FABP6: variants seen among roughly 807,000 people sequenced by gnomAD.
FABP6 encodes fatty acid binding protein 6, also known as gastrotropin.
A neutral mutation model predicts 14.9 loss-of-function variants in FABP6; 13 were observed. The ratio of observed to expected loss-of-function variants is 0.87; its 90% CI spans 0.57 to 1.39. The LOEUF is 1.39. Among genes scored for constraint, FABP6 ranks in the 40% most tolerant of loss-of-function variants. FABP6 has a pLI of 0.00. For missense variants in FABP6, 161 were observed against 167.2 expected, an observed-to-expected ratio of 0.96 and a Z score of 0.20; for synonymous variants, 75 against 63.6, an observed-to-expected ratio of 1.18 and a Z score of -0.85.
intron 3 of FABP6, among the ~76,000 whole-genome samples, chr5:160,237,585 C>G (rs2113153255): frequency 6.6e-6 from 1 of 152,216 alleles, no homozygotes; most frequent in Admixed American, 6.6e-5. Flanking sequence ...CATCACCTCT[C>G]CCCTACACCA....
chr5:160,229,416 C>T (rs78838393), upstream of FABP6: 8,565 of 1,510,440 alleles, frequency 5.7e-3, 421 homozygotes, highest in African/African-American at 0.11. Flanking sequence ...GCTTCCTCTT[C>T]AGGACAGGAG....
intron 1 of FABP6, among the ~76,000 whole-genome samples, chr5:160,193,310 T>C (rs1378811745): frequency 6.6e-6 from 1 of 151,644 alleles, no homozygotes; most frequent in Non-Finnish European, 1.5e-5. Flanking sequence ...GCTTCAGGAG[T>C]GAAGCTGCAG....
At chr5:160,195,283 CAAAAAAAAA>C (rs57229719) in intron 1 of FABP6, among the ~76,000 whole-genome samples, 10 of 63,608 alleles carry the variant, frequency 1.6e-4, no homozygotes, top group African/African-American at 5.1e-4. Flanking sequence ...GACTCTGTCT[CAAAAAAAAA>C]AAAAAAAAAA....
chr5:160,191,505 TGTGCCACCTA>T (rs1198194219), intron 1 of FABP6, among the ~76,000 whole-genome samples: 1 of 152,054 alleles, frequency 6.6e-6, no homozygotes, highest in Non-Finnish European at 1.5e-5. Context: ...ACTAGGGCTC[TGTGCCACCTA>T]GACCCTGCCC....
chr5:160,217,854 G>A (rs1440227034), intron 3 of FABP6, among the ~76,000 whole-genome samples: 4 of 151,776 alleles, frequency 2.6e-5, no homozygotes, highest in Non-Finnish European at 4.4e-5. Flanking sequence ...TGTTGCCCAG[G>A]CTCATCTCAA....
chr5:160,195,462 T>C (rs997231718), intron 1 of FABP6, among the ~76,000 whole-genome samples: 2 of 152,088 alleles, frequency 1.3e-5, no homozygotes, highest in African/African-American at 4.8e-5. Flanking sequence ...TCTGTCTCTC[T>C]CTCTCTTTTT....
At chr5:160,236,101 C>T (rs1314763354) in intron 3 of FABP6, among the ~76,000 whole-genome samples, 4 of 151,766 alleles carry the variant, frequency 2.6e-5, no homozygotes, top group East Asian at 1.9e-4. Flanking sequence ...CTGCAACCTC[C>T]GCCCTCAGGT....
intron 3 of FABP6, among the ~76,000 whole-genome samples, chr5:160,236,435 T>C (rs899990412): frequency 9.2e-5 from 14 of 152,090 alleles, no homozygotes; most frequent in African/African-American, 3.4e-4. Context: ...CTTTATCATA[T>C]GGGTTTGGTG....
At chr5:160,228,410 A>C (rs910336518), upstream of FABP6, 12 of 455,928 alleles carry the variant, frequency 2.6e-5, no homozygotes, top group African/African-American at 2.0e-4. Flanking sequence ...ATAAATACAT[A>C]ATAATCACGA....
upstream of FABP6, among the ~76,000 whole-genome samples, chr5:160,227,482 T>G (rs1378899947): frequency 7.1e-6 from 1 of 141,630 alleles, no homozygotes; most frequent in Non-Finnish European, 1.5e-5. Flanking sequence ...GCCAAGATTG[T>G]ACCACTGCAC....
chr5:160,197,719 C>T (rs1285448219), intron 1 of FABP6: 1 of 152,224 alleles, frequency 6.6e-6, no homozygotes, highest in Non-Finnish European at 1.5e-5. Context: ...CCAAATGTCC[C>T]AGGAAGACAA....
intron 2 of FABP6, among the ~76,000 whole-genome samples, chr5:160,213,428 T>C (rs112880391): frequency 2.3e-4 from 35 of 152,280 alleles, no homozygotes; most frequent in African/African-American, 8.4e-4. Context: ...CTACCCTTGA[T>C]AGGGGTGCAA....
upstream of FABP6, among the ~76,000 whole-genome samples, chr5:160,227,215 T>C (rs115867447): frequency 0.016 from 2,456 of 152,166 alleles, 70 homozygotes; most frequent in African/African-American, 0.055. Flanking sequence ...GTCTCATTTA[T>C]ACCAGAAAAT....
chr5:160,188,699 C>G (rs1420866956), intron 1 of FABP6, among the ~76,000 whole-genome samples: 1 of 152,376 alleles, frequency 6.6e-6, no homozygotes, highest in East Asian at 1.9e-4. Flanking sequence ...GGCTGTTAGC[C>G]ACGTGCTGGG....
chr5:160,204,642 A>G (rs1316444217), intron 2 of FABP6: 1 of 152,110 alleles, frequency 6.6e-6, no homozygotes, highest in Non-Finnish European at 1.5e-5. Context: ...GGCGCCCGCC[A>G]CCAAGCCCGA....
intron 3 of FABP6, among the ~76,000 whole-genome samples, chr5:160,221,088 C>CA (rs397884568): frequency 0.31 from 22,798 of 72,388 alleles, 3,075 homozygotes; most frequent in East Asian, 0.59. Context: ...GACTTTCTCT[C>CA]AAAAAAAAAA....
At chr5:160,213,993 A>G (rs1167576760) in intron 3 of FABP6, among the ~76,000 whole-genome samples, 1 of 152,206 alleles carries the variant, frequency 6.6e-6, no homozygotes, top group Non-Finnish European at 1.5e-5. Flanking sequence ...CAAAAAGGTC[A>G]AATATCAGCA....
intron 3 of FABP6, among the ~76,000 whole-genome samples, chr5:160,218,074 G>C (rs897141367): frequency 2.6e-5 from 4 of 152,208 alleles, no homozygotes; most frequent in South Asian, 2.1e-4. Context: ...GTAGCAGGGG[G>C]ACTACGGACA....
In FABP6 at chr5:160,232,145, A is replaced by AGAT; in HGVS notation, c.115_116insGAT (p.Thr39delinsArgSer). On this transcript the variant is annotated protein_altering_variant, in exon 2 of 4. Transcript: ENST00000402432. The stretch of plus-strand genomic sequence containing the variant: ...AAAGGCCCGCAACTTCAAGATCGTC[A>AGAT]CGGAGGTGCAGCAGGATGGGCAGGA... 1.9e-6 allele frequency: 3 copies of AGAT among 1,614,016 alleles called. No individual in the cohort carries two copies. The highest frequency in any genetic ancestry group is 1.3e-5 in the African/African-American group (1 of 75,018).
Sources: gnomAD v4.1 joint callset for allele counts (sites outside exome capture counted in the v4.1 genomes callset) on GRCh38, gnomAD v4.1.1 for gene constraint, MANE v1.5 for transcripts, NCBI Gene and HGNC (gene_info 2026-07-23, HGNC 2026-07-21) for gene names.